The following CDKL2 variants were observed in gnomAD, a reference collection of about 807,000 sequenced individuals.
The protein encoded by CDKL2 is cyclin-dependent kinase-like 2.
CDKL2 carries 64 observed loss-of-function variants against 63.9 expected under a neutral mutation model. That is an observed-to-expected ratio of 1.00 (90% CI 0.82 to 1.23). The LOEUF (loss-of-function observed/expected upper bound fraction) is 1.23. Ranked by LOEUF, CDKL2 falls within the 50% of genes most tolerant of loss-of-function variation. The pLI, the probability that CDKL2 is intolerant of heterozygous loss-of-function variation, is 0.00. For missense variants in CDKL2, 656 were observed against 668.0 expected (o/e 0.98, Z 0.20); for synonymous variants, 211 against 229.2 (o/e 0.92, Z 0.72).
chr4:75,605,623 A>G lies in CDKL2; in HGVS notation c.554T>C (p.Val185Ala), dbSNP rs762812526. 6.2e-7 allele frequency: 1 copy of G among 1,611,196 alleles called. No homozygotes were observed. Among genetic ancestry groups the G allele is most frequent in the Non-Finnish European group, 8.5e-7 (1 of 1,177,350 alleles). Reference protein sequence around the residue: ...GDVKYGKAVDVWAIGCLVTEM... With the variant: ...GDVKYGKAVDAWAIGCLVTEM... ...AGTTACCAGACAACCAATGGCCCAC[A>G]CATCAACAGCCCTGAAAGAAAAGCA... The change falls in exon 5 of 14, where the codon GTG (valine) becomes GCG (alanine). Residue 185 changes from valine (V) to alanine (A), a missense_variant. Physicochemically the swap from Val to Ala is moderately conservative, Grantham distance 64. Coordinates refer to ENST00000307465, the MANE Select transcript of CDKL2 (RefSeq NM_001330724.2).
chr4:75,618,490 G>C (rs541199399), intron 2 of CDKL2, among the ~76,000 whole-genome samples: 131 of 152,050 alleles, frequency 8.6e-4, no homozygotes, highest in Non-Finnish European at 1.7e-3. Context: ...CCAACCTTAG[G>C]TGATCCGCCC....
intron 6 of CDKL2, 105 bp downstream of exon 6, chr4:75,603,712 C>CAAAA (rs35686740): frequency 3.4e-5 from 12 of 351,044 alleles, no homozygotes; most frequent in South Asian, 9.4e-5. Context: ...AAGACTCCAT[C>CAAAA]AAAAAAAAAA....
chr4:75,585,049 C>T (rs1456804898), intron 12 of CDKL2, among the ~76,000 whole-genome samples: 1 of 152,036 alleles, frequency 6.6e-6, no homozygotes, highest in Admixed American at 6.5e-5. Context: ...GTGAAAGAAA[C>T]ACTTTAAATA....
chr4:75,582,013 C>G (rs867910022), intron 12 of CDKL2, 115 bp from the exon 13 acceptor site: 18 of 672,926 alleles, frequency 2.7e-5, no homozygotes, highest in Non-Finnish European at 4.2e-5. Flanking sequence ...CTATTCATAG[C>G]TCAAGTTGCC....
rs1729842614 is a variant in CDKL2, at chr4:75,614,463, A to G, written c.169-14T>C. On this transcript the variant is annotated splice_polypyrimidine_tract_variant and intron_variant, in intron 2 of 13. Transcript: ENST00000307465. The stretch of plus-strand genomic sequence containing the variant: ...ATGCCTAAGTTGCTGTTATTAAAAA[A>G]TGCAAAATAGCTGTTATTTAAAAAT... The G allele has an allele frequency of 3.3e-6, 5 of 1,520,666 alleles. No individual in the cohort carries two copies. Among genetic ancestry groups the G allele is most frequent in the Non-Finnish European group, 4.4e-6 (5 of 1,126,150 alleles). The allele number at this position is 1,520,666 out of a possible 1,614,324, so 94.2% of individuals were successfully genotyped here. A position where few individuals can be genotyped will look rare whatever the true frequency, so the allele number is the denominator to read the frequency against.
chr4:75,611,449 A>G (rs1048155022), intron 3 of CDKL2, among the ~76,000 whole-genome samples: 4 of 125,840 alleles, frequency 3.2e-5, no homozygotes, highest in African/African-American at 1.3e-4. Flanking sequence ...ACAGAGTGAG[A>G]TTCTGTCTCA....
In CDKL2 at chr4:75,578,099, C is replaced by A. The variant is rs1728102211; in HGVS notation, c.*1103G>T. 1 of 151,912 alleles carries A rather than the reference C, an allele frequency of 6.6e-6. No homozygotes were observed. Among genetic ancestry groups the A allele is most frequent in the Non-Finnish European group, 1.5e-5 (1 of 68,002 alleles). 9.4% of individuals were successfully genotyped at this position (151,912 alleles called of 1,614,324 possible). On this transcript the variant is annotated 3_prime_UTR_variant, in exon 14 of 14. Transcript: ENST00000307465. ...AAACCCAGAAATCAAGAACCTGTAG[C>A]CAACTTAGTTTATTCCTCCCACCTA... is the stretch of plus-strand genomic sequence containing the variant.
chr4:75,607,121 A>C, intron 4 of CDKL2, 62 bp downstream of exon 4: 1 of 1,318,258 alleles, frequency 7.6e-7, no homozygotes, highest in Non-Finnish European at 1.1e-6. Context: ...TATCATAAAC[A>C]TATTCCACTA....
chr4:75,604,601 T>C (rs1238640657), intron 5 of CDKL2, among the ~76,000 whole-genome samples: 1 of 152,198 alleles, frequency 6.6e-6, no homozygotes, highest in East Asian at 1.9e-4. Flanking sequence ...AAAGCACTAA[T>C]AGCAGAAGTC....
intron 13 of CDKL2, among the ~76,000 whole-genome samples, chr4:75,581,590 T>C (rs537145474): frequency 3.3e-5 from 5 of 152,286 alleles, no homozygotes; most frequent in African/African-American, 1.2e-4. Context: ...ATGCAGGAGA[T>C]TAGTTTAAGA....
At chr4:75,599,870 G>T (rs994130940) in intron 7 of CDKL2, among the ~76,000 whole-genome samples, 3 of 152,148 alleles carry the variant, frequency 2.0e-5, no homozygotes, top group African/African-American at 7.2e-5. Flanking sequence ...GCATATCAAG[G>T]TCTCCAACAC....
At chr4:75,604,967 C>A (rs578079233) in intron 5 of CDKL2, among the ~76,000 whole-genome samples, 93 of 152,066 alleles carry the variant, frequency 6.1e-4, no homozygotes, top group African/African-American at 2.2e-3. Flanking sequence ...CCACTGCACC[C>A]CAGCCTGGTG....
chr4:75,586,764 G>GT (rs1728498827), intron 12 of CDKL2, among the ~76,000 whole-genome samples: 1 of 152,148 alleles, frequency 6.6e-6, no homozygotes, highest in Non-Finnish European at 1.5e-5. Context: ...GTAGATTTCA[G>GT]TAAGCATAGA....
At chr4:75,600,656 C>T (rs946892952) in intron 6 of CDKL2, among the ~76,000 whole-genome samples, 6 of 152,074 alleles carry the variant, frequency 3.9e-5, no homozygotes, top group African/African-American at 9.7e-5. Flanking sequence ...GACAGCGTTT[C>T]GCCATGTTGC....
intron 10 of CDKL2, among the ~76,000 whole-genome samples, chr4:75,593,132 G>C (rs2148870073): frequency 6.6e-6 from 1 of 152,152 alleles, no homozygotes. Context: ...CCTGCAGTGA[G>C]CTTTTGAGTT....
chr4:75,590,172 A>C (rs1728655782), intron 12 of CDKL2, among the ~76,000 whole-genome samples: 1 of 152,282 alleles, frequency 6.6e-6, no homozygotes, highest in South Asian at 2.1e-4. Flanking sequence ...GTCTCAAAAA[A>C]AAGAAGTAAA....
intron 2 of CDKL2, among the ~76,000 whole-genome samples, chr4:75,619,727 A>G (rs910070172): frequency 3.3e-5 from 5 of 152,200 alleles, no homozygotes; most frequent in African/African-American, 1.2e-4. Flanking sequence ...AAATGTTTAC[A>G]GAGTCCAGTT....
chr4:75,593,598 C>T (rs1361557743), intron 10 of CDKL2, among the ~76,000 whole-genome samples: 1 of 152,104 alleles, frequency 6.6e-6, no homozygotes, highest in African/African-American at 2.4e-5. Flanking sequence ...TACCTGAAAG[C>T]AGGTTGATAT....
chr4:75,582,239 A>G (rs1259410242), intron 12 of CDKL2, among the ~76,000 whole-genome samples: 1 of 152,214 alleles, frequency 6.6e-6, no homozygotes, highest in African/African-American at 2.4e-5. Context: ...TCATATAAAG[A>G]CTTTGAAGCA....
Sources: allele counts gnomAD v4.1 joint callset (sites outside exome capture counted in the v4.1 genomes callset), GRCh38; gene constraint gnomAD v4.1.1; transcripts MANE v1.5; gene names NCBI Gene and HGNC (gene_info 2026-07-23, HGNC 2026-07-21).